Variants in CYP3A43 observed in about 807,000 individuals in gnomAD.
The protein encoded by CYP3A43 is cytochrome P450 3A43.
In CYP3A43, 45 loss-of-function variants were observed where a neutral mutation model predicts 58.0. The ratio of observed to expected loss-of-function variants is 0.78; its 90% CI spans 0.61 to 0.99. The LOEUF (loss-of-function observed/expected upper bound fraction) is 0.99. CYP3A43 is among the 50% of genes least tolerant of loss of function. The pLI is 0.00. For synonymous variants in CYP3A43, 191 were observed against 201.4 expected (o/e 0.95, Z 0.44); for missense variants, 593 against 591.9 (o/e 1.00, Z -0.02).
chr7:99,831,484 A>C (rs139861796), intron 1 of CYP3A43, among the ~76,000 whole-genome samples: 217 of 152,282 alleles, frequency 1.4e-3, no homozygotes, highest in African/African-American at 4.9e-3. Context: ...CACTTTCCTA[A>C]CTTACCCTTA....
intron 3 of CYP3A43, among the ~76,000 whole-genome samples, chr7:99,840,472 A>G (rs771375961): frequency 2.6e-5 from 4 of 152,198 alleles, no homozygotes; most frequent in Admixed American, 6.5e-5. Flanking sequence ...TTCTTTTCAC[A>G]TGTATATCTC....
At chr7:99,828,295 G>C (rs564652728) in intron 1 of CYP3A43, 109 bp downstream of exon 1, 94 of 785,784 alleles carry the variant, frequency 1.2e-4, no homozygotes, top group Admixed American at 4.8e-4. Flanking sequence ...CGGAGGGGAA[G>C]TTACCTAAGT....
At chr7:99,838,888 G>A (rs1817205578) in intron 2 of CYP3A43, 1 of 575,298 alleles carries the variant, frequency 1.7e-6, no homozygotes, top group Admixed American at 3.2e-5. Context: ...GCTGAGGCAG[G>A]AGAAGAGCTT....
intron 12 of CYP3A43, among the ~76,000 whole-genome samples, chr7:99,864,376 T>C (rs1307205944): frequency 6.7e-6 from 1 of 148,820 alleles, no homozygotes; most frequent in African/African-American, 2.6e-5. Context: ...AAGCTGTGCA[T>C]CTTTTCAACC....
At chr7:99,846,821 T>G (rs993181691) in intron 4 of CYP3A43, among the ~76,000 whole-genome samples, 2 of 152,236 alleles carry the variant, frequency 1.3e-5, no homozygotes, top group Non-Finnish European at 2.9e-5. Context: ...TTATCCATTT[T>G]AAAATACAGT....
At chr7:99,836,394 C>T in intron 1 of CYP3A43, 59 bp from the exon 2 acceptor site, 2 of 1,426,284 alleles carry the variant, frequency 1.4e-6, no homozygotes, top group South Asian at 1.2e-5. Context: ...AATGTCTGGC[C>T]AACCCCTTAT....
chr7:99,865,645 G>T (rs1818416027), intron 12 of CYP3A43, among the ~76,000 whole-genome samples: 1 of 148,584 alleles, frequency 6.7e-6, no homozygotes, highest in Admixed American at 6.6e-5. Context: ...AGGAACAGAA[G>T]CCAGCATGAA....
At position 99,828,109 on chromosome 7, in the gene CYP3A43, A is replaced by T; in HGVS notation, c.-7A>T. On this transcript the variant is annotated 5_prime_UTR_variant, in exon 1 of 13. Coordinates refer to ENST00000354829, the MANE Select transcript of CYP3A43 (RefSeq NM_057095.3). ...TCAGAAGACAGAGCTGAAAAAGAAAACTGGTGATGGATCTCATTCCAAACT... is the reference window on the plus strand; with the variant it reads ...TCAGAAGACAGAGCTGAAAAAGAAATCTGGTGATGGATCTCATTCCAAACT... The T allele has an allele frequency of 6.2e-7, 1 of 1,612,650 alleles. No homozygotes were observed. Among genetic ancestry groups the T allele is most frequent in the Non-Finnish European group, 8.5e-7 (1 of 1,179,198 alleles).
chr7:99,834,552 G>A (rs1177202725), intron 1 of CYP3A43, among the ~76,000 whole-genome samples: 6 of 152,178 alleles, frequency 3.9e-5, no homozygotes, highest in Non-Finnish European at 8.8e-5. Flanking sequence ...TGCTCCACAG[G>A]TCCAATATAG....
At chr7:99,855,558 T>C (rs766513248) in intron 7 of CYP3A43, 33 bp from the exon 8 acceptor site, 3 of 1,576,912 alleles carry the variant, frequency 1.9e-6, no homozygotes, top group African/African-American at 2.7e-5. Context: ...CACTATGATT[T>C]ATTTTTTCTT....
intron 1 of CYP3A43, among the ~76,000 whole-genome samples, chr7:99,834,049 C>T (rs114972649): frequency 1.3e-3 from 192 of 152,288 alleles, no homozygotes; most frequent in East Asian, 7.1e-3. Context: ...CCATTATCAT[C>T]GATTTCTAAG....
chr7:99,850,495 T>C (rs646563), intron 7 of CYP3A43, among the ~76,000 whole-genome samples: 29,533 of 151,740 alleles, frequency 0.19, 5,796 homozygotes, highest in African/African-American at 0.51. Flanking sequence ...CTCTTGACCT[T>C]GTGATCTGCC....
intron 4 of CYP3A43, among the ~76,000 whole-genome samples, chr7:99,846,629 G>A (rs532694249): frequency 6.6e-6 from 1 of 152,324 alleles, no homozygotes; most frequent in African/African-American, 2.4e-5. Context: ...TAAGAATGGT[G>A]AGAGTGGATA....
intron 12 of CYP3A43, 90 bp downstream of exon 12, chr7:99,863,789 T>C (rs1409074804): frequency 9.2e-7 from 1 of 1,089,488 alleles, no homozygotes; most frequent in Admixed American, 3.1e-5. Context: ...CATTTTTCAA[T>C]AATTTGCTCT....
intron 3 of CYP3A43, 64 bp from the exon 4 acceptor site, chr7:99,844,079 G>T: frequency 7.8e-7 from 1 of 1,274,948 alleles, no homozygotes; most frequent in Non-Finnish European, 1.1e-6. Flanking sequence ...TGGATTCTTT[G>T]GTGTGGTTCC....
chr7:99,859,699 C>A, intron 9 of CYP3A43, 131 bp from the exon 10 acceptor site: 1 of 1,145,960 alleles, frequency 8.7e-7, no homozygotes, highest in Non-Finnish European at 1.3e-6. Flanking sequence ...AAGCCACCCG[C>A]AGTGTGACTC....
chr7:99,839,189 C>A lies in CYP3A43; in HGVS notation c.218+17C>A. 1 of 1,613,906 alleles carries A rather than the reference C, an allele frequency of 6.2e-7. No individual in the cohort carries two copies. Among genetic ancestry groups the A allele is most frequent in the South Asian group, 1.1e-5 (1 of 91,066 alleles). On this transcript the variant is annotated intron_variant, in intron 3 of 12. Coordinates refer to ENST00000354829, the MANE Select transcript of CYP3A43 (RefSeq NM_057095.3). ...AATGTGGGGGTGAGTATTCTGGAAA[C>A]TTGCATTGGATAGAGCTGTTGCTAT...
Position 99,849,674 on chromosome 7 carries a change from A to G in CYP3A43, c.650A>G (p.Asp217Gly), listed in dbSNP as rs1343340042. ...AAGCTTTTAAAATTGGATTTTTTGG[A>G]TCCCTTTTTACTCTTAATATGTATG... is the stretch of plus-strand genomic sequence containing the variant. ...MKKLLKLDFLDPFLLLISLFP... is the reference protein window; with the variant it reads ...MKKLLKLDFLGPFLLLISLFP... The change falls in exon 7 of 13, where the codon GAT (aspartate) becomes GGT (glycine). Residue 217 changes from aspartate to glycine, a missense_variant. Asp to Gly is a moderately conservative substitution (Grantham distance 94). Coordinates refer to ENST00000354829, the MANE Select transcript of CYP3A43 (RefSeq NM_057095.3). 1.2e-6 allele frequency: 2 copies of G among 1,608,448 alleles called. No individual in the cohort carries two copies. The highest frequency in any genetic ancestry group is 1.7e-6 in the Non-Finnish European group (2 of 1,178,314).
In CYP3A43 at chr7:99,830,284, G is replaced by A. The variant is rs569091108; in HGVS notation, c.71+2098G>A. ...TGTAATTCCAGCACTTTGGAAAGCC[G>A]AGGTGGGTGGATCACGTGAGGTCAG... On this transcript the variant is annotated intron_variant, in intron 1 of 12. Transcript: ENST00000354829. Among the ~76,000 whole-genome samples the A allele has an allele frequency of 7.9e-5, 12 of 152,290 alleles. No individual in the cohort carries two copies. The South Asian group carries it at 1.2e-3, about 16-fold the overall frequency.
Sources: gnomAD v4.1 joint callset for allele counts (sites outside exome capture counted in the v4.1 genomes callset) on GRCh38, gnomAD v4.1.1 for gene constraint, MANE v1.5 for transcripts, NCBI Gene and HGNC (gene_info 2026-07-23, HGNC 2026-07-21) for gene names.